IQCM: variants seen among roughly 807,000 people sequenced by gnomAD.
IQCM encodes IQ domain-containing protein M.
In IQCM, 45 loss-of-function variants were observed where a neutral mutation model predicts 57.6. That is an observed-to-expected ratio of 0.78 (90% CI 0.62 to 1.00). The LOEUF is 1.00. Ranked by LOEUF, IQCM falls within the 50% of genes least tolerant of loss-of-function variation. The pLI is 0.00. For missense variants in IQCM, 468 were observed against 511.6 expected (o/e 0.91, Z 0.82); for synonymous variants, 148 against 158.9 (o/e 0.93, Z 0.51).
chr4:149,358,844 C>CAGTATATCATGATATACGCTCATG (rs1729212122), intron 13 of IQCM, among the ~76,000 whole-genome samples: 1 of 108,026 alleles, frequency 9.3e-6, no homozygotes, highest in Non-Finnish European at 2.0e-5. Context: ...GCACAGTGGA[C>CAGTATATCATGATATACGCTCATG]AGTATATCAT....
chr4:149,530,833 G>A (rs73859760), intron 12 of IQCM, among the ~76,000 whole-genome samples: 1,192 of 106,162 alleles, frequency 0.011, 14 homozygotes, highest in African/African-American at 0.043. Flanking sequence ...CACTAATTGC[G>A]TTCAGTTAAC....
chr4:149,766,804 T>C (rs999077119), intron 2 of IQCM, among the ~76,000 whole-genome samples: 1 of 152,070 alleles, frequency 6.6e-6, no homozygotes, highest in Non-Finnish European at 1.5e-5. Context: ...AATAGAAAAT[T>C]TGGTGGATTC....
At chr4:149,510,553 C>T (rs1400831167) in intron 12 of IQCM, among the ~76,000 whole-genome samples, 1 of 152,124 alleles carries the variant, frequency 6.6e-6, no homozygotes, top group Non-Finnish European at 1.5e-5. Context: ...CTTCCATCAT[C>T]ATGAGACATT....
intron 12 of IQCM, among the ~76,000 whole-genome samples, chr4:149,438,332 T>C (rs934305998): frequency 1.6e-4 from 24 of 152,238 alleles, no homozygotes; most frequent in Admixed American, 9.8e-4. Context: ...ATTTAATGCA[T>C]AATATTTAAT....
At chr4:149,448,213 C>A (rs1343629107) in intron 12 of IQCM, among the ~76,000 whole-genome samples, 1 of 151,506 alleles carries the variant, frequency 6.6e-6, no homozygotes, top group Non-Finnish European at 1.5e-5. Flanking sequence ...AAATAAAAAT[C>A]TATATATAGC....
chr4:149,373,641 A>AT (rs911946287), intron 13 of IQCM, among the ~76,000 whole-genome samples: 7 of 152,082 alleles, frequency 4.6e-5, no homozygotes, highest in Admixed American at 1.3e-4. Flanking sequence ...TTTTATACAA[A>AT]TTTTTTTTCA....
intron 2 of IQCM, among the ~76,000 whole-genome samples, chr4:149,779,189 T>C (rs1229662081): frequency 6.6e-6 from 1 of 152,168 alleles, no homozygotes; most frequent in African/African-American, 2.4e-5. Context: ...AACCCAGCAA[T>C]GTAATCCACT....
At chr4:149,404,357 C>T (rs1038975811) in intron 13 of IQCM, among the ~76,000 whole-genome samples, 1 of 151,974 alleles carries the variant, frequency 6.6e-6, no homozygotes, top group African/African-American at 2.4e-5. Context: ...AATGTTTGAC[C>T]TTTGACTTCT....
intron 12 of IQCM, among the ~76,000 whole-genome samples, chr4:149,443,477 T>C (rs911099999): frequency 2.0e-5 from 3 of 151,976 alleles, no homozygotes; most frequent in African/African-American, 7.2e-5. Context: ...CTTATAAAGT[T>C]CTGAGAAAAT....
chr4:149,410,140 G>A (rs765219297), intron 13 of IQCM, among the ~76,000 whole-genome samples: 29 of 152,128 alleles, frequency 1.9e-4, no homozygotes, highest in Middle Eastern at 3.4e-3. Flanking sequence ...CCGAGATTGC[G>A]CCACTCCACT....
At chr4:149,632,834 T>C (rs1757384083) in intron 7 of IQCM, among the ~76,000 whole-genome samples, 1 of 152,092 alleles carries the variant, frequency 6.6e-6, no homozygotes, top group African/African-American at 2.4e-5. Context: ...GCTCACGAAG[T>C]CCAAGTGATA....
At chr4:149,453,661 A>G (rs1029742085) in intron 12 of IQCM, among the ~76,000 whole-genome samples, 3 of 151,998 alleles carry the variant, frequency 2.0e-5, no homozygotes, top group Non-Finnish European at 4.4e-5. Flanking sequence ...CAAAACCACA[A>G]TGAGATACCA....
chr4:149,423,209 G>A (rs566289118), intron 13 of IQCM, among the ~76,000 whole-genome samples: 3 of 152,070 alleles, frequency 2.0e-5, no homozygotes, highest in Admixed American at 2.0e-4. Flanking sequence ...GAGGCCTCAG[G>A]AAACTTACAA....
chr4:149,636,320 A>G (rs1179522718), intron 7 of IQCM, among the ~76,000 whole-genome samples: 3 of 152,278 alleles, frequency 2.0e-5, no homozygotes, highest in African/African-American at 2.4e-5. Context: ...TTGTGACCCA[A>G]TTTGAGAGTA....
chr4:149,682,000 T>C, intron 7 of IQCM, 118 bp downstream of exon 7: 1 of 416,160 alleles, frequency 2.4e-6, no homozygotes, highest in Non-Finnish European at 4.1e-6. Flanking sequence ...ATACAGTGTT[T>C]GAAATGAAAA....
chr4:149,469,109 G>A (rs376095591), intron 12 of IQCM, among the ~76,000 whole-genome samples: 2 of 152,166 alleles, frequency 1.3e-5, no homozygotes, highest in East Asian at 3.9e-4. Flanking sequence ...ATGGAACAAA[G>A]GTGGACAGAG....
intron 13 of IQCM, among the ~76,000 whole-genome samples, chr4:149,419,730 G>A (rs924923762): frequency 2.6e-5 from 4 of 152,006 alleles, no homozygotes; most frequent in African/African-American, 7.2e-5. Context: ...GAAAAATCTT[G>A]CAATCTACCC....
At chr4:149,392,128 T>TG (rs1731901654) in intron 13 of IQCM, among the ~76,000 whole-genome samples, 1 of 143,662 alleles carries the variant, frequency 7.0e-6, no homozygotes, top group African/African-American at 2.5e-5. Context: ...TTTGTCAGTT[T>TG]TTTTTTTTTT....
chr4:149,762,546 A>G (rs1420777166), intron 2 of IQCM, among the ~76,000 whole-genome samples: 1 of 152,080 alleles, frequency 6.6e-6, no homozygotes, highest in Non-Finnish European at 1.5e-5. Context: ...TGCATTGAAC[A>G]TAAAGGTTGC....
Sources: gnomAD v4.1 joint callset for allele counts (sites outside exome capture counted in the v4.1 genomes callset) on GRCh38, gnomAD v4.1.1 for gene constraint, MANE v1.5 for transcripts, NCBI Gene and HGNC (gene_info 2026-07-23, HGNC 2026-07-21) for gene names.